The following ZNF875 variants were observed in gnomAD, a reference collection of about 807,000 sequenced individuals.
ZNF875 encodes the protein HKR1, GLI-Kruppel zinc finger family member.
Under a neutral mutation model 11.2 loss-of-function variants are expected in ZNF875, and 14 were observed. That is an observed-to-expected ratio of 1.26 (90% CI 0.83 to 1.96). ZNF875 has a LOEUF of 1.96. ZNF875 is among the 30% of genes most tolerant of loss of function. The probability of loss-of-function intolerance (pLI) is 0.00; values close to 1 mark genes in which losing one functional copy is unlikely to be tolerated. For missense variants in ZNF875, 752 were observed against 760.4 expected (o/e 0.99, Z 0.13); for synonymous variants, 301 against 281.1 (o/e 1.07, Z -0.71).
chr19:37,332,298 CTTT>C (rs1376824531), upstream of ZNF875, among the ~76,000 whole-genome samples: 3 of 151,252 alleles, frequency 2.0e-5, no homozygotes, highest in Admixed American at 6.6e-5. Context: ...GTCTCTGTGT[CTTT>C]TTCTTTTCCA....
In ZNF875 at chr19:37,347,786, C is replaced by G; in HGVS notation, c.170C>G (p.Ser57Cys). Residue 57 changes from serine to cysteine, a missense_variant, in exon 4 of 5, where the codon TCT becomes TGT. Transcript: ENST00000392153. ...YNHLVSLEIPSSKPKLIAQLE... is the reference protein window; with the variant it reads ...YNHLVSLEIPCSKPKLIAQLE... ...TCTTCCCTATGAACAGAAATTCCAT[C>G]TTCTAAACCAAAACTCATTGCTCAG... is the stretch of plus-strand genomic sequence containing the variant. 1 of 1,611,228 alleles carries G rather than the reference C, an allele frequency of 6.2e-7. No individual in the cohort carries two copies. Among genetic ancestry groups the G allele is most frequent in the Non-Finnish European group, 8.5e-7 (1 of 1,177,362 alleles).
rs1480925080 is a variant in ZNF875 at position 37,322,494 on chromosome 19, G to A, written c.-699+262G>A. Among the ~76,000 whole-genome samples, 6 of 152,144 alleles carry A rather than the reference G, an allele frequency of 3.9e-5. No homozygotes were observed. The South Asian group carries it at 6.2e-4, about 16-fold the overall frequency. ...GGATGTGGAAAGTGAGTTTCTTTGC[G>A]CTTATCCAGTGATTGATTTTCAGTC... On this transcript the variant is annotated intron_variant, in intron 2 of 5. Coordinates refer to the ZNF875 transcript ENST00000544914.
intron 4 of ZNF875, among the ~76,000 whole-genome samples, chr19:37,360,785 C>T (rs2039766663): frequency 6.6e-6 from 1 of 152,222 alleles, no homozygotes; most frequent in African/African-American, 2.4e-5. Flanking sequence ...CATGAGCCAC[C>T]GTGCCCAGCC....
chr19:37,347,221 A>G lies in ZNF875; in HGVS notation c.65A>G (p.Tyr22Cys). ...AFVAFRDVAV[Y>C]FTQEEWRLLS... ...GTGGCATTCAGGGATGTGGCTGTGT[A>G]CTTCACCCAGGAGGAGTGGAGGTTG... The change falls in exon 3 of 5, where the codon TAC (tyrosine) becomes TGC (cysteine). Residue 22 changes from tyrosine to cysteine, a missense_variant. Tyr to Cys is a radical substitution (Grantham distance 194, BLOSUM62 -2). Transcript: ENST00000392153. 1 of 1,614,152 alleles carries G rather than the reference A, an allele frequency of 6.2e-7. No homozygotes were observed.
chr19:37,363,772 A>T lies in ZNF875; in HGVS notation c.1920A>T (p.Gly640=). The T allele has an allele frequency of 6.2e-7, 1 of 1,613,122 alleles. No individual in the cohort carries two copies. Among genetic ancestry groups the T allele is most frequent in the Non-Finnish European group, 8.5e-7 (1 of 1,179,286 alleles). ...TCAGACATCAGAGGACACACTCAGG[A>T]TAGAAACTTTATGTGTATAGGGAAT... ...NLIRHQRTHS[G] The change falls in exon 5 of 5, where the codon GGA becomes GGT. Residue 640 remains glycine (G), a synonymous_variant. Coordinates refer to ENST00000392153, the MANE Select transcript of ZNF875 (RefSeq NM_001353803.2).
At chr19:37,337,461 C>T (rs1249500721) in intron 2 of ZNF875, 1 of 152,084 alleles carries the variant, frequency 6.6e-6, no homozygotes, top group Non-Finnish European at 1.5e-5. Context: ...GGGAAGCGTT[C>T]TTCTTTTTTT....
Position 37,363,939 on chromosome 19 carries a change from T to C in ZNF875, c.*164T>C. ...TGCATGAGACTGTACTGGTAAGACT[T>C]GTATCTCCATCCACCTGAAGGAGAA... On this transcript the variant is annotated 3_prime_UTR_variant, in exon 5 of 5. Transcript: ENST00000392153. The C allele has an allele frequency of 1.6e-6, 1 of 609,592 alleles. No individual in the cohort carries two copies. Among genetic ancestry groups the C allele is most frequent in the Non-Finnish European group, 2.9e-6 (1 of 341,494 alleles). The allele number at this position is 609,592 out of a possible 1,614,324, so 37.8% of individuals were successfully genotyped here. A position where few individuals can be genotyped will look rare whatever the true frequency, so the allele number is the denominator to read the frequency against.
chr19:37,339,977 CATTT>C (rs1228899489), intron 2 of ZNF875, among the ~76,000 whole-genome samples: 1 of 151,770 alleles, frequency 6.6e-6, no homozygotes, highest in Admixed American at 6.6e-5. Flanking sequence ...TTATTTTATT[CATTT>C]ATTATTATTA....
At chr19:37,315,078 T>A (rs2030126721), upstream of ZNF875, 1 of 147,136 alleles carries the variant, frequency 6.8e-6, no homozygotes, top group Non-Finnish European at 1.5e-5. Context: ...CTAATCTACT[T>A]TCTGTTTCTA....
Position 37,363,341 on chromosome 19 carries a change from C to G in ZNF875, c.1489C>G (p.Gln497Glu). The change falls in exon 5 of 5, where the codon CAG becomes GAG. Residue 497 changes from glutamine to glutamate, a missense_variant. By Grantham distance (29) the Gln-to-Glu change is conservative. Transcript: ENST00000392153. ...CCGGAAATCAACCCTGAGCACGCAC[C>G]AGAGGACACACTCAGGGGAGAAGCC... ...FTRKSTLSTH[Q>E]RTHSGEKPFV... 3 of 1,610,902 alleles carry G rather than the reference C, an allele frequency of 1.9e-6. No homozygotes were observed. The highest frequency in any genetic ancestry group is 2.5e-6 in the Non-Finnish European group (3 of 1,177,878).
chr19:37,331,059 C>T (rs1192699588), upstream of ZNF875, among the ~76,000 whole-genome samples: 1 of 151,548 alleles, frequency 6.6e-6, no homozygotes, highest in African/African-American at 2.4e-5. Context: ...AGGTGGCAGG[C>T]GCCTGTAGTC....
upstream of ZNF875, chr19:37,317,062 C>A (rs375528641): frequency 6.6e-6 from 1 of 151,500 alleles, no homozygotes; most frequent in African/African-American, 2.4e-5. Flanking sequence ...GCAATCTCCA[C>A]CTCCCGGGTT....
At position 37,347,966 on chromosome 19, in the gene ZNF875, C is replaced by T. The variant is rs2037143392; in HGVS notation, c.256+94C>T. On this transcript the variant is annotated intron_variant, in intron 4 of 4. Coordinates refer to ENST00000392153, the MANE Select transcript of ZNF875 (RefSeq NM_001353803.2). The stretch of plus-strand genomic sequence containing the variant: ...CAGATACTGGGAAGAAGCTCTTCTT[C>T]AGGCCTCCTAAGCCAAGAGAAACGT... 2.8e-5 allele frequency: 21 copies of T among 744,710 alleles called. No individual in the cohort carries two copies. The South Asian group carries it at 3.3e-4, about 12-fold the overall frequency. 46.1% of individuals were successfully genotyped at this position (744,710 alleles called of 1,614,324 possible). A position where few individuals can be genotyped will look rare whatever the true frequency, so the allele number is the denominator to read the frequency against.
chr19:37,324,886 C>T (rs2032153604), intron 4 of ZNF875: 1 of 152,524 alleles, frequency 6.6e-6, no homozygotes, highest in Non-Finnish European at 1.5e-5. Context: ...ACCATTCTCC[C>T]ACCTCAGCCC....
In ZNF875 at chr19:37,344,789, G is replaced by A. The variant is rs970191779; in HGVS notation, c.34-2401G>A. The A allele has an allele frequency of 4.2e-6, 6 of 1,439,866 alleles. No homozygotes were observed. In the South Asian group the frequency reaches 4.6e-5, roughly 11 times the overall value. 89.2% of individuals were successfully genotyped at this position (1,439,866 alleles called of 1,614,324 possible). Reference sequence around the variant, plus strand: ...GAGGAATAACGGTTGTATTAAATGTGTTAAAGTAACACTAATTGCTCTGTG... The same window carrying A: ...GAGGAATAACGGTTGTATTAAATGTATTAAAGTAACACTAATTGCTCTGTG... On this transcript the variant is annotated intron_variant, in intron 2 of 4. Transcript: ENST00000392153.
chr19:37,325,230 C>T lies in ZNF875; in HGVS notation c.-603+965C>T, dbSNP rs566864629. Among the ~76,000 whole-genome samples the T allele has an allele frequency of 2.9e-3, 436 of 152,254 alleles. 3 individuals carry two copies. The highest frequency in any genetic ancestry group is 0.01 in the African/African-American group (417 of 41,538). The stretch of plus-strand genomic sequence containing the variant: ...CTCCTGCTGTGCATAGATGGGGGCC[C>T]GTCCACACCCGAATCTCCTGGGTTC... On this transcript the variant is annotated intron_variant, in intron 4 of 5. Transcript: ENST00000544914.
At chr19:37,331,700 C>A (rs541438265), upstream of ZNF875, among the ~76,000 whole-genome samples, 6,156 of 148,148 alleles carry the variant, frequency 0.042, 456 homozygotes, top group African/African-American at 0.14. Flanking sequence ...GCCGCAGGGA[C>A]CTCTGCCTAG....
At chr19:37,313,839 C>T (rs1483951892), upstream of ZNF875, among the ~76,000 whole-genome samples, 1 of 151,884 alleles carries the variant, frequency 6.6e-6, no homozygotes, top group Non-Finnish European at 1.5e-5. Flanking sequence ...TTTTCATTTT[C>T]TTTCTTTTTC....
upstream of ZNF875, among the ~76,000 whole-genome samples, chr19:37,333,264 T>C (rs1219863374): frequency 6.7e-6 from 1 of 148,996 alleles, no homozygotes; most frequent in Non-Finnish European, 1.5e-5. Context: ...ACCATATCTT[T>C]CTTAAGTTTT....
Sources: gnomAD v4.1 joint callset for allele counts (sites outside exome capture counted in the v4.1 genomes callset) on GRCh38, gnomAD v4.1.1 for gene constraint, MANE v1.5 for transcripts, NCBI Gene and HGNC (gene_info 2026-07-23, HGNC 2026-07-21) for gene names.